The following PPARA variants were observed in gnomAD, a reference collection of about 807,000 sequenced individuals.
The protein encoded by PPARA is peroxisome proliferator-activated receptor alpha.
Under a neutral mutation model 42.2 loss-of-function variants are expected in PPARA, and 22 were observed. The observed-to-expected ratio is 0.52, with a 90% confidence interval of 0.37 to 0.74. PPARA has a LOEUF of 0.74. Ranked by LOEUF, PPARA falls within the 30% of genes least tolerant of loss-of-function variation. The pLI, the probability that PPARA is intolerant of heterozygous loss-of-function variation, is 0.00. For missense variants in PPARA, 465 were observed against 608.2 expected, an observed-to-expected ratio of 0.76 and a Z score of 2.48; for synonymous variants, 242 against 239.3, an observed-to-expected ratio of 1.01 and a Z score of -0.10.
In PPARA at chr22:46,195,204, C is replaced by T. The variant is rs1012910763; in HGVS notation, c.-42-3138C>T. On this transcript the variant is annotated intron_variant, in intron 3 of 8. Transcript: ENST00000407236. The surrounding 1 kb of genome is among the most constrained non-coding windows in gnomAD (Gnocchi z 4.6). ...AGGTGTGAGCCACCATGCCCGGCCCCAGCTACTTGCTTTCTATTGGGATGA... is the reference window on the plus strand; with the variant it reads ...AGGTGTGAGCCACCATGCCCGGCCCTAGCTACTTGCTTTCTATTGGGATGA... Among the ~76,000 whole-genome samples, 2 of 152,168 alleles carry T rather than the reference C, an allele frequency of 1.3e-5. No individual in the cohort carries two copies. Among genetic ancestry groups the T allele is most frequent in the Non-Finnish European group, 2.9e-5 (2 of 68,028 alleles).
intron 4 of PPARA, among the ~76,000 whole-genome samples, chr22:46,207,668 ATTATTATTATTTTTTTTTT>A (rs1369994842): frequency 2.3e-4 from 18 of 79,746 alleles, no homozygotes; most frequent in African/African-American, 9.1e-4. Flanking sequence ...TATTATTATT[ATTATTATTATTTTTTTTTT>A]TTTTTTTTTT....
Position 46,219,685 on chromosome 22 carries a change from G to C in PPARA, c.509-127G>C. ...TAGTGGAAAGCCGAATAGTAATGAA[G>C]GATGGGTCTGAACTGCCTGTGAATT... On this transcript the variant is annotated intron_variant, in intron 6 of 8. Coordinates refer to ENST00000407236, the MANE Select transcript of PPARA (RefSeq NM_005036.6). This position sits in a 1 kb window ranked among gnomAD's most constrained non-coding sequence, Gnocchi z 4.8. 1.1e-6 allele frequency: 1 copy of C among 888,646 alleles called. No homozygotes were observed. The highest frequency in any genetic ancestry group is 1.8e-6 in the Non-Finnish European group (1 of 546,672). 55.0% of individuals were successfully genotyped at this position (888,646 alleles called of 1,614,324 possible).
chr22:46,230,712 A>G lies in PPARA; in HGVS notation c.712-1080A>G, dbSNP rs1935809490. ...TGGCACTTGCTCCAGAATATGGAGC[A>G]CCGAGTGAAGGTTTCAGTTTCCTGC... On this transcript the variant is annotated intron_variant, in intron 7 of 8. Coordinates refer to ENST00000407236, the MANE Select transcript of PPARA (RefSeq NM_005036.6). The surrounding 1 kb of genome is among the most constrained non-coding windows in gnomAD (Gnocchi z 5.0). Among the ~76,000 whole-genome samples the G allele has an allele frequency of 6.6e-6, 1 of 152,222 alleles. No individual in the cohort carries two copies. The highest frequency in any genetic ancestry group is 1.5e-5 in the Non-Finnish European group (1 of 68,042).
At chr22:46,226,428 A>G (rs1569247552) in intron 7 of PPARA, among the ~76,000 whole-genome samples, 1 of 152,236 alleles carries the variant, frequency 6.6e-6, no homozygotes, top group Non-Finnish European at 1.5e-5. Context: ...TAATCTAACA[A>G]ACATATCAGA....
Position 46,162,931 on chromosome 22 carries a change from C to T in PPARA, c.-127+10961C>T, listed in dbSNP as rs948806851. On this transcript the variant is annotated intron_variant, in intron 2 of 8. Transcript: ENST00000407236. This position sits in a 1 kb window ranked among gnomAD's most constrained non-coding sequence, Gnocchi z 6.0. The stretch of plus-strand genomic sequence containing the variant: ...TTCCTCAGTTCATGTATTTATTCAG[C>T]AAATATTTACTGAGCACGTACTGCG... Among the ~76,000 whole-genome samples the T allele has an allele frequency of 2.6e-5, 4 of 152,216 alleles. No individual in the cohort carries two copies. The highest frequency in any genetic ancestry group is 9.7e-5 in the African/African-American group (4 of 41,438).
rs1385417301 is a variant in PPARA, at chr22:46,225,758, C to T, written c.711+5744C>T. Among the ~76,000 whole-genome samples the T allele has an allele frequency of 2.7e-5, 4 of 150,864 alleles. No individual in the cohort carries two copies. The East Asian group carries it at 7.7e-4, about 29-fold the overall frequency. On this transcript the variant is annotated intron_variant, in intron 7 of 8. Transcript: ENST00000407236. The surrounding 1 kb of genome is among the most constrained non-coding windows in gnomAD (Gnocchi z 4.1). ...ATGCTCACATGGGTACACACTCACA[C>T]ATCCATGCATGCACGTGTAAACACA... is the stretch of plus-strand genomic sequence containing the variant.
intron 3 of PPARA, among the ~76,000 whole-genome samples, chr22:46,189,519 G>C (rs1931251336): frequency 6.6e-6 from 1 of 152,094 alleles, no homozygotes; most frequent in Non-Finnish European, 1.5e-5. Flanking sequence ...TTAAATGTAG[G>C]TGATATGCAA....
rs1935860769 is a variant in PPARA, at chr22:46,231,401, A to G, written c.712-391A>G. ...ACCCAGCTAATTTTTTTGTATTTTT[A>G]GTAGAGACGGGGTTTCACCATGCTG... On this transcript the variant is annotated intron_variant, in intron 7 of 8. Coordinates refer to ENST00000407236, the MANE Select transcript of PPARA (RefSeq NM_005036.6). This position sits in a 1 kb window ranked among gnomAD's most constrained non-coding sequence, Gnocchi z 7.7. 1.3e-5 allele frequency among the ~76,000 whole-genome samples: 2 copies of G among 151,924 alleles called. No homozygotes were observed. The highest frequency in any genetic ancestry group is 4.8e-5 in the African/African-American group (2 of 41,368).
Position 46,161,193 on chromosome 22 carries a change from C to T in PPARA, c.-127+9223C>T, listed in dbSNP as rs989032027. On this transcript the variant is annotated intron_variant, in intron 2 of 8. Transcript: ENST00000407236. The surrounding 1 kb of genome is among the most constrained non-coding windows in gnomAD (Gnocchi z 4.8). The stretch of plus-strand genomic sequence containing the variant: ...AAAACCTAGGAAGTGGATGGAGACT[C>T]TTTTTGGAATGAATGAATTCAAATG... 1.3e-5 allele frequency among the ~76,000 whole-genome samples: 2 copies of T among 152,172 alleles called. No homozygotes were observed. The highest frequency in any genetic ancestry group is 2.9e-5 in the Non-Finnish European group (2 of 68,024).
rs1936400507 is a variant in PPARA at position 46,242,546 on chromosome 22, T to C, written c.*7166T>C. 1 of 152,688 alleles carries C rather than the reference T, an allele frequency of 6.5e-6. No homozygotes were observed. The highest frequency in any genetic ancestry group is 1.5e-5 in the Non-Finnish European group (1 of 68,048). 9.5% of individuals were successfully genotyped at this position (152,688 alleles called of 1,614,324 possible). A position where few individuals can be genotyped will look rare whatever the true frequency, so the allele number is the denominator to read the frequency against. The stretch of plus-strand genomic sequence containing the variant: ...ATCTTAAATACTGTGATTTGACTTT[T>C]TGAAAAATATCCTAATACAAATATT... On this transcript the variant is annotated 3_prime_UTR_variant, in exon 9 of 9. Coordinates refer to ENST00000407236, the MANE Select transcript of PPARA (RefSeq NM_005036.6). This position sits in a 1 kb window ranked among gnomAD's most constrained non-coding sequence, Gnocchi z 6.1.
At position 46,150,622 on chromosome 22, in the gene PPARA, A is replaced by G. The variant is rs1026836952; in HGVS notation, c.-240A>G. 1.4e-4 allele frequency: 19 copies of G among 131,398 alleles called. No individual in the cohort carries two copies. The highest frequency in any genetic ancestry group is 4.9e-4 in the African/African-American group (18 of 36,646). 8.1% of individuals were successfully genotyped at this position (131,398 alleles called of 1,614,324 possible). On this transcript the variant is annotated 5_prime_UTR_variant, in exon 1 of 9. Coordinates refer to ENST00000407236, the MANE Select transcript of PPARA (RefSeq NM_005036.6). The surrounding 1 kb of genome is among the most constrained non-coding windows in gnomAD (Gnocchi z 7.5). The stretch of plus-strand genomic sequence containing the variant: ...CGCCGCCTCCTTCGGCGTTCGCCCC[A>G]CGGACCGGCAGGCGGCGGACCGCGG...
rs1601833518 is a variant in PPARA at position 46,234,984 on chromosome 22, A to G, written c.1160-149A>G. The G allele has an allele frequency of 1.8e-6, 2 of 1,082,838 alleles. No homozygotes were observed. Among genetic ancestry groups the G allele is most frequent in the African/African-American group, 1.6e-5 (1 of 63,966 alleles). The allele number at this position is 1,082,838 out of a possible 1,614,324, so 67.1% of individuals were successfully genotyped here. ...ATTGACTTTGGAAAAACCTATGTCT[A>G]TCTTCCAGTCAAGTTGACAATATCT... On this transcript the variant is annotated intron_variant, in intron 8 of 8. Coordinates refer to ENST00000407236, the MANE Select transcript of PPARA (RefSeq NM_005036.6). The surrounding 1 kb of genome is among the most constrained non-coding windows in gnomAD (Gnocchi z 5.8).
At position 46,235,135 on chromosome 22, in the gene PPARA, C is replaced by G; in HGVS notation, c.1162C>G (p.Arg388Gly). The G allele has an allele frequency of 6.2e-7, 1 of 1,613,970 alleles. No individual in the cohort carries two copies. Among genetic ancestry groups the G allele is most frequent in the South Asian group, 1.1e-5 (1 of 91,058 alleles). ...FVAAIICCGD[R>G]PGLLNVGHIE... ...TCTCTCTCTTCTTTCGAGACTAGAT[C>G]GTCCTGGCCTTCTAAACGTAGGACA... is the stretch of plus-strand genomic sequence containing the variant. Residue 388 changes from arginine (R) to glycine (G), a missense_variant and splice_region_variant, in exon 9 of 9, where the codon CGT (arginine) becomes GGT (glycine). Around this residue, in one of 2 missense-constraint regions of PPARA, gnomAD observed 313 missense variants for 469.1 expected, o/e 0.67. Transcript: ENST00000407236. This position sits in a 1 kb window ranked among gnomAD's most constrained non-coding sequence, Gnocchi z 7.0.
intron 4 of PPARA, among the ~76,000 whole-genome samples, chr22:46,206,327 G>A (rs1933305358): frequency 6.6e-6 from 1 of 152,136 alleles, no homozygotes; most frequent in Non-Finnish European, 1.5e-5. Flanking sequence ...ATGTTGGTCA[G>A]GCTGGTCTCA....
rs1181842605 is a variant in PPARA at position 46,193,282 on chromosome 22, G to T, written c.-42-5060G>T. On this transcript the variant is annotated intron_variant, in intron 3 of 8. Coordinates refer to ENST00000407236, the MANE Select transcript of PPARA (RefSeq NM_005036.6). This position sits in a 1 kb window ranked among gnomAD's most constrained non-coding sequence, Gnocchi z 5.3. ...GGGTTTCACCAGGTTGAACAGGCTG[G>T]TCTCAAACTCCTGACCTCAAGTGAT... is the stretch of plus-strand genomic sequence containing the variant. Among the ~76,000 whole-genome samples the T allele has an allele frequency of 1.3e-5, 2 of 152,128 alleles. No homozygotes were observed. Among genetic ancestry groups the T allele is most frequent in the Non-Finnish European group, 1.5e-5 (1 of 68,036 alleles).
At chr22:46,177,016 C>A (rs556585583) in intron 3 of PPARA, among the ~76,000 whole-genome samples, 180 bp downstream of exon 3, 1 of 152,196 alleles carries the variant, frequency 6.6e-6, no homozygotes, top group South Asian at 2.1e-4. Context: ...TGAGACCATC[C>A]TGGCTAACAC....
At position 46,233,694 on chromosome 22, in the gene PPARA, A is replaced by T. The variant is rs1197682195; in HGVS notation, c.1160-1439A>T. Among the ~76,000 whole-genome samples the T allele has an allele frequency of 3.3e-5, 5 of 152,238 alleles. No homozygotes were observed. Among genetic ancestry groups the T allele is most frequent in the Non-Finnish European group, 7.3e-5 (5 of 68,048 alleles). On this transcript the variant is annotated intron_variant, in intron 8 of 8. Transcript: ENST00000407236. The surrounding 1 kb of genome is among the most constrained non-coding windows in gnomAD (Gnocchi z 7.3). Reference sequence around the variant, plus strand: ...AACTATTTATATGTAGCATGATCACAGTTTTATAAAGGAAATTATAATCCT... The same window carrying T: ...AACTATTTATATGTAGCATGATCACTGTTTTATAAAGGAAATTATAATCCT...
At chr22:46,178,028 T>C (rs1319398529) in intron 3 of PPARA, among the ~76,000 whole-genome samples, 1 of 151,852 alleles carries the variant, frequency 6.6e-6, no homozygotes. Context: ...GGTATAGATC[T>C]AAGGAGGTCT....
At chr22:46,178,983 G>A (rs1230289637) in intron 3 of PPARA, among the ~76,000 whole-genome samples, 1 of 152,206 alleles carries the variant, frequency 6.6e-6, no homozygotes, top group Non-Finnish European at 1.5e-5. Context: ...TCTCAGGTAT[G>A]TACCCAGTGA....
Sources: allele counts gnomAD v4.1 joint callset (sites outside exome capture counted in the v4.1 genomes callset), GRCh38; gene constraint gnomAD v4.1.1; regional missense constraint gnomAD v4.1.1; non-coding constraint Gnocchi (gnomAD v3.1); transcripts MANE v1.5; gene names NCBI Gene and HGNC (gene_info 2026-07-23, HGNC 2026-07-21).